The following P4HA2 variants were observed in gnomAD, a reference collection of about 807,000 sequenced individuals.
The protein encoded by P4HA2 is prolyl 4-hydroxylase subunit alpha-2.
P4HA2 carries 46 observed loss-of-function variants against 76.9 expected under a neutral mutation model. The observed-to-expected ratio is 0.60, with a 90% CI of 0.47 to 0.76. The LOEUF is 0.76. Ranked by LOEUF, P4HA2 falls within the 30% of genes least tolerant of loss-of-function variation. The probability of loss-of-function intolerance (pLI) is 0.00; values close to 1 mark genes in which losing one functional copy is unlikely to be tolerated. For synonymous variants in P4HA2, 243 were observed against 254.0 expected (o/e 0.96, Z 0.41); for missense variants, 583 against 669.4 (o/e 0.87, Z 1.42).
At chr5:132,225,220 T>C (rs1755206535) in intron 1 of P4HA2, among the ~76,000 whole-genome samples, 1 of 152,180 alleles carries the variant, frequency 6.6e-6, no homozygotes, top group African/African-American at 2.4e-5. Flanking sequence ...TCCCGAAGTT[T>C]AACTCTCACT....
chr5:132,206,430 A>G (rs1219906362), intron 8 of P4HA2, among the ~76,000 whole-genome samples: 2 of 152,194 alleles, frequency 1.3e-5, no homozygotes, highest in Non-Finnish European at 2.9e-5. Flanking sequence ...GATGAGGTCC[A>G]GGGGCCAGGA....
chr5:132,204,087 G>A lies in P4HA2; in HGVS notation c.1146C>T (p.Ser382=), dbSNP rs751831355. Residue 382 remains serine, a synonymous_variant, in exon 9 of 15, where the codon TCC becomes TCT. Transcript: ENST00000360568. ...GVLTVASYRV[S]KSSWLEEDDD... The stretch of plus-strand genomic sequence containing the variant: ...AACCCCTGCTCTTTGCTTACCTTTT[G>A]GAAACCCGGTAGCTGGCGACAGTGA... The A allele has an allele frequency of 1.2e-6, 2 of 1,613,106 alleles. No homozygotes were observed. The highest frequency in any genetic ancestry group is 1.7e-5 in the Admixed American group (1 of 60,000).
At position 132,198,774 on chromosome 5, in the gene P4HA2, G is replaced by A. The variant is rs1290921042; in HGVS notation, c.1305+105C>T. 3.8e-6 allele frequency: 3 copies of A among 795,666 alleles called. No individual in the cohort carries two copies. The African/African-American group carries it at 5.1e-5, about 13-fold the overall frequency. The allele number at this position is 795,666 out of a possible 1,614,324, so 49.3% of individuals were successfully genotyped here. ...TGATGCAGAGGTGGAGGGAGGACAAGGGGTGGGGGTACTGATGTGGAGGCT... is the reference window on the plus strand; with the variant it reads ...TGATGCAGAGGTGGAGGGAGGACAAAGGGTGGGGGTACTGATGTGGAGGCT... On this transcript the variant is annotated intron_variant, in intron 11 of 14. Coordinates refer to ENST00000360568, the MANE Select transcript of P4HA2 (RefSeq NM_001017974.2).
chr5:132,198,548 G>C (rs1026360514), intron 11 of P4HA2, among the ~76,000 whole-genome samples, 168 bp from the exon 12 acceptor site: 1 of 152,190 alleles, frequency 6.6e-6, no homozygotes, highest in Non-Finnish European at 1.5e-5. Flanking sequence ...TGGAGTAGAC[G>C]GGGAAGAGGA....
chr5:132,209,510 C>T (rs772340041), intron 6 of P4HA2, among the ~76,000 whole-genome samples, 179 bp from the exon 7 acceptor site: 3 of 152,156 alleles, frequency 2.0e-5, no homozygotes, highest in South Asian at 2.1e-4. Context: ...AGGCCAGGTG[C>T]GGTGGCTCAT....
At position 132,208,393 on chromosome 5, in the gene P4HA2, G is replaced by GGGAGGGGA. The variant is rs1179387274; in HGVS notation, c.904-510_904-509insTCCCCTCC. Among the ~76,000 whole-genome samples, 2 of 21,184 alleles carry GGGAGGGGA rather than the reference G, an allele frequency of 9.4e-5. 1 individual carries two copies. 13.9% of individuals were successfully genotyped at this position (21,184 alleles called of 152,430 possible). ...GAGGAGAGAGGAGGAGAAGGGGGAG[G>GGGAGGGGA]GGAGGGGGAGGGGAGGGGGAGGGGA... On this transcript the variant is annotated intron_variant, in intron 7 of 14. Transcript: ENST00000360568.
intron 4 of P4HA2, 64 bp downstream of exon 4, chr5:132,217,130 CACA>C: frequency 6.7e-6 from 10 of 1,503,634 alleles, no homozygotes; most frequent in Non-Finnish European, 9.1e-6. Context: ...CAGGCTCAGA[CACA>C]ACAACCCAGG....
rs1475632045 is a variant in P4HA2 at position 132,192,135 on chromosome 5, T to C, written c.*875A>G. ...GCAAAGGAATGAGTACCACACATCATGAGACAATGATTTATCTCCAAAGTG... is the reference window on the plus strand; with the variant it reads ...GCAAAGGAATGAGTACCACACATCACGAGACAATGATTTATCTCCAAAGTG... On this transcript the variant is annotated 3_prime_UTR_variant, in exon 15 of 15. Coordinates refer to ENST00000360568, the MANE Select transcript of P4HA2 (RefSeq NM_001017974.2). The C allele has an allele frequency of 6.6e-6, 1 of 152,206 alleles. No homozygotes were observed. Among genetic ancestry groups the C allele is most frequent in the Non-Finnish European group, 1.5e-5 (1 of 68,036 alleles). 9.4% of individuals were successfully genotyped at this position (152,206 alleles called of 1,614,324 possible).
At chr5:132,213,566 G>C (rs1173473631) in intron 5 of P4HA2, among the ~76,000 whole-genome samples, 1 of 152,198 alleles carries the variant, frequency 6.6e-6, no homozygotes, top group Non-Finnish European at 1.5e-5. Context: ...AGTAAGCCCA[G>C]ATCAGCCTTA....
intron 4 of P4HA2, among the ~76,000 whole-genome samples, chr5:132,216,804 A>C (rs1409221010): frequency 1.3e-5 from 2 of 152,206 alleles, no homozygotes; most frequent in Non-Finnish European, 2.9e-5. Context: ...ATGTATATGC[A>C]TAGGTAGAAA....
Position 132,217,349 on chromosome 5 carries a change from C to T in P4HA2, c.180-1G>A. 1 of 1,614,070 alleles carries T rather than the reference C, an allele frequency of 6.2e-7. No homozygotes were observed. Among genetic ancestry groups the T allele is most frequent in the African/African-American group, 1.3e-5 (1 of 75,052 alleles). ...CAAGGCTTCCATTTTGTTGGCCCAG[C>T]TGTGGAACCAGAGGAAAAGGAAGAC... On this transcript the variant is annotated splice_acceptor_variant, in intron 3 of 14. Coordinates refer to ENST00000360568, the MANE Select transcript of P4HA2 (RefSeq NM_001017974.2). LOFTEE classifies it high-confidence loss of function.
intron 12 of P4HA2, 196 bp downstream of exon 12, chr5:132,198,125 C>T: frequency 6.3e-7 from 1 of 1,591,746 alleles, no homozygotes; most frequent in African/African-American, 1.4e-5. Flanking sequence ...CAGATGAGAT[C>T]AGCCCTGATG....
At position 132,198,871 on chromosome 5, in the gene P4HA2, G is replaced by C; in HGVS notation, c.1305+8C>G. On this transcript the variant is annotated splice_region_variant and intron_variant, in intron 11 of 14. Coordinates refer to ENST00000360568, the MANE Select transcript of P4HA2 (RefSeq NM_001017974.2). The stretch of plus-strand genomic sequence containing the variant: ...GCCCTTTGAAAGCACCTGTGATTTA[G>C]GCCTTACCCTAGAGAAGTCGAAGTG... 1 of 1,603,786 alleles carries C rather than the reference G, an allele frequency of 6.2e-7. No individual in the cohort carries two copies. The highest frequency in any genetic ancestry group is 8.5e-7 in the Non-Finnish European group (1 of 1,170,578).
At chr5:132,216,832 T>A (rs772769073) in intron 4 of P4HA2, among the ~76,000 whole-genome samples, 1 of 152,220 alleles carries the variant, frequency 6.6e-6, no homozygotes, top group East Asian at 1.9e-4. Context: ...ATTTTAATAA[T>A]GCTCACCACT....
At chr5:132,195,967 C>A (rs139790060) in intron 12 of P4HA2, among the ~76,000 whole-genome samples, 1 of 152,294 alleles carries the variant, frequency 6.6e-6, no homozygotes, top group Non-Finnish European at 1.5e-5. Context: ...GAGTAGCCAC[C>A]CTTCCTGGGG....
Position 132,210,392 on chromosome 5 carries a change from C to T in P4HA2, c.601G>A (p.Glu201Lys). The change falls in exon 6 of 15, where the codon GAG (glutamate) becomes AAG (lysine). Residue 201 changes from glutamate to lysine, a missense_variant. By Grantham distance (56) the Glu-to-Lys change is moderately conservative (BLOSUM62 1). Transcript: ENST00000360568. The stretch of plus-strand genomic sequence containing the variant: ...ACCTGTGACTTGGTTGTGGTGGCCT[C>T]CTCCCCGGCATCAAGCTGCTTTAGC... Reference protein sequence around the residue: ...QVLKQLDAGEEATTTKSQVLD... With the variant: ...QVLKQLDAGEKATTTKSQVLD... The T allele has an allele frequency of 5.0e-6, 8 of 1,614,126 alleles. No individual in the cohort carries two copies. Among genetic ancestry groups the T allele is most frequent in the Non-Finnish European group, 5.9e-6 (7 of 1,180,024 alleles).
Position 132,209,274 on chromosome 5 carries a change from T to G in P4HA2, c.767A>C (p.Glu256Ala), listed in dbSNP as rs1332047282. The G allele has an allele frequency of 2.6e-5, 42 of 1,613,988 alleles. No individual in the cohort carries two copies. The highest frequency in any genetic ancestry group is 3.5e-5 in the Non-Finnish European group (41 of 1,180,018). Residue 256 changes from glutamate to alanine, a missense_variant, in exon 7 of 15, where the codon GAA (glutamate) becomes GCA (alanine). Coordinates refer to ENST00000360568, the MANE Select transcript of P4HA2 (RefSeq NM_001017974.2). ...NLRYFEQLLEEEREKTLTNQT... is the reference protein window; with the variant it reads ...NLRYFEQLLEAEREKTLTNQT... The stretch of plus-strand genomic sequence containing the variant: ...ATTTGTTAACGTTTTTTCTCTCTCT[T>G]CCTCCAATAACTGCTCAAAGTACCG...
chr5:132,195,083 G>A (rs952638312), intron 13 of P4HA2, 61 bp from the exon 14 acceptor site: 3 of 1,125,984 alleles, frequency 2.7e-6, no homozygotes, highest in Non-Finnish European at 4.1e-6. Flanking sequence ...GGACCTGACT[G>A]CAAGCATCAC....
At chr5:132,199,817 A>T (rs1751227518) in intron 10 of P4HA2, 1 of 152,260 alleles carries the variant, frequency 6.6e-6, no homozygotes, top group African/African-American at 2.4e-5. Flanking sequence ...AAGTTCTCAG[A>T]AAGTTGGTAT....
Sources: allele counts gnomAD v4.1 joint callset (sites outside exome capture counted in the v4.1 genomes callset), GRCh38; gene constraint gnomAD v4.1.1; transcripts MANE v1.5; gene names NCBI Gene and HGNC (gene_info 2026-07-23, HGNC 2026-07-21).